Variants in ADAMTS19 observed in about 807,000 individuals in gnomAD.
ADAMTS19 encodes ADAM metallopeptidase with thrombospondin type 1 motif 19, also known as A disintegrin and metalloproteinase with thrombospondin motifs 19.
In ADAMTS19, 93 loss-of-function variants were observed where a neutral mutation model predicts 153.3. The ratio of observed to expected loss-of-function variants is 0.61; its 90% CI spans 0.51 to 0.72. The LOEUF (loss-of-function observed/expected upper bound fraction) is 0.72, where lower values mean the gene tolerates loss of function less well. ADAMTS19 is among the 30% of genes least tolerant of loss of function. ADAMTS19 has a pLI of 0.00. For missense variants in ADAMTS19, 1,482 were observed against 1,552.1 expected (o/e 0.95, Z 0.76); for synonymous variants, 600 against 556.6 (o/e 1.08, Z -1.10).
chr5:129,695,960 C>G (rs1243258819), intron 19 of ADAMTS19, among the ~76,000 whole-genome samples: 2 of 152,112 alleles, frequency 1.3e-5, no homozygotes, highest in Non-Finnish European at 2.9e-5. Flanking sequence ...ACTGATATAA[C>G]CGTCTTCATG....
chr5:129,496,169 T>C (rs891430862), intron 2 of ADAMTS19, among the ~76,000 whole-genome samples: 1 of 151,978 alleles, frequency 6.6e-6, no homozygotes, highest in Non-Finnish European at 1.5e-5. Context: ...AGAATGGGAA[T>C]TGGGGAGAAT....
intron 21 of ADAMTS19, among the ~76,000 whole-genome samples, chr5:129,712,440 T>C (rs2127182834): frequency 6.6e-6 from 1 of 152,316 alleles, no homozygotes; most frequent in Non-Finnish European, 1.5e-5. Flanking sequence ...AGAAAGACTT[T>C]CCATTTTGTT....
chr5:129,555,561 T>C (rs1753284267), intron 7 of ADAMTS19, among the ~76,000 whole-genome samples: 1 of 152,168 alleles, frequency 6.6e-6, no homozygotes, highest in South Asian at 2.1e-4. Context: ...AAAGCTTGGA[T>C]TCCTCACCTT....
chr5:129,462,734 G>A (rs1395010454), intron 2 of ADAMTS19, among the ~76,000 whole-genome samples: 1 of 152,104 alleles, frequency 6.6e-6, no homozygotes, highest in African/African-American at 2.4e-5. Flanking sequence ...CTTTATGGTT[G>A]TTGCCACCAC....
intron 2 of ADAMTS19, among the ~76,000 whole-genome samples, chr5:129,485,251 CAT>C (rs926360682): frequency 6.6e-6 from 1 of 151,966 alleles, no homozygotes; most frequent in Non-Finnish European, 1.5e-5. Flanking sequence ...TACTAAATAA[CAT>C]GAGACAAAGA....
At chr5:129,623,390 A>G (rs1751875707) in intron 10 of ADAMTS19, among the ~76,000 whole-genome samples, 1 of 152,000 alleles carries the variant, frequency 6.6e-6, no homozygotes, top group South Asian at 2.1e-4. Flanking sequence ...ACACATACAC[A>G]TTGTACTTCA....
chr5:129,705,924 A>C lies in ADAMTS19; in HGVS notation c.3312+1533A>C, dbSNP rs185423883. 3.2e-4 allele frequency among the ~76,000 whole-genome samples: 48 copies of C among 152,356 alleles called. No homozygotes were observed. The East Asian group carries it at 9.1e-3, about 29-fold the overall frequency. On this transcript the variant is annotated intron_variant, in intron 21 of 22. Coordinates refer to ENST00000274487, the MANE Select transcript of ADAMTS19 (RefSeq NM_133638.6). ...ATGAGTCAAATAATGAAAATGGAAC[A>C]GTGTTTTCAAGCTATATGTATAACA...
At chr5:129,663,189 C>A (rs1046565267) in intron 15 of ADAMTS19, among the ~76,000 whole-genome samples, 1 of 152,252 alleles carries the variant, frequency 6.6e-6, no homozygotes, top group East Asian at 1.9e-4. Flanking sequence ...CCACCACGCC[C>A]GGCCCCATTC....
At position 129,684,150 on chromosome 5, in the gene ADAMTS19, C is replaced by T. The variant is rs75149074; in HGVS notation, c.2695C>T (p.Leu899Phe). Residue 899 changes from leucine to phenylalanine, a missense_variant, in exon 18 of 23, where the codon CTT becomes TTT. Physicochemically the swap from Leu to Phe is conservative, Grantham distance 22 (BLOSUM62 0). Around this residue, in one of 2 missense-constraint regions of ADAMTS19, gnomAD observed 616 missense variants for 724.4 expected, o/e 0.85. Transcript: ENST00000274487. ...VLLFQDQNYG[L>F]HYEYTIPSDP... Reference sequence around the variant, plus strand: ...CCTGTTTCAGGATCAGAATTATGGTCTTCACTATGAATACACTATCCCATC... The same window carrying T: ...CCTGTTTCAGGATCAGAATTATGGTTTTCACTATGAATACACTATCCCATC... The T allele has an allele frequency of 6.2e-7, 1 of 1,614,020 alleles. No homozygotes were observed. The highest frequency in any genetic ancestry group is 1.3e-5 in the African/African-American group (1 of 75,020).
intron 18 of ADAMTS19, among the ~76,000 whole-genome samples, chr5:129,686,386 A>G (rs1282742833): frequency 6.6e-6 from 1 of 152,142 alleles, no homozygotes; most frequent in Non-Finnish European, 1.5e-5. Flanking sequence ...GAGGGGTTAA[A>G]GAATTCTTAG....
chr5:129,563,142 AT>A (rs1299587778), intron 7 of ADAMTS19, among the ~76,000 whole-genome samples: 3 of 151,992 alleles, frequency 2.0e-5, no homozygotes, highest in African/African-American at 7.2e-5. Flanking sequence ...AGAAGTAATC[AT>A]TTTTGCCAGG....
chr5:129,620,810 T>G, intron 9 of ADAMTS19, 52 bp downstream of exon 9: 2 of 1,568,948 alleles, frequency 1.3e-6, no homozygotes. Flanking sequence ...GTGTGCTGTT[T>G]CTTTTTACAA....
intron 8 of ADAMTS19, among the ~76,000 whole-genome samples, chr5:129,614,668 G>A (rs1213206042): frequency 1.3e-5 from 2 of 152,090 alleles, no homozygotes; most frequent in African/African-American, 4.8e-5. Flanking sequence ...TCAATCTAGT[G>A]TTGGAAGTTC....
intron 16 of ADAMTS19, among the ~76,000 whole-genome samples, chr5:129,672,247 A>G (rs1024622907): frequency 6.6e-5 from 10 of 152,050 alleles, no homozygotes; most frequent in African/African-American, 2.4e-4. Flanking sequence ...TCTAATCCTA[A>G]TTACCTCCCG....
rs1443861738 is a variant in ADAMTS19 at position 129,607,582 on chromosome 5, A to G, written c.1478+10918A>G. Among the ~76,000 whole-genome samples the G allele has an allele frequency of 1.3e-5, 2 of 152,202 alleles. 1 individual carries two copies. Among genetic ancestry groups the G allele is most frequent in the Admixed American group, 1.3e-4 (2 of 15,272 alleles). ...AAGTAATATGATTTTATGAGAAAAT[A>G]TGGTTTTATTGCTACACAAATATAA... On this transcript the variant is annotated intron_variant, in intron 8 of 22. Transcript: ENST00000274487.
At chr5:129,484,357 C>A (rs1203337017) in intron 2 of ADAMTS19, among the ~76,000 whole-genome samples, 1 of 152,070 alleles carries the variant, frequency 6.6e-6, no homozygotes. Flanking sequence ...TTCTCTCCAA[C>A]CAATTTTTTA....
intron 2 of ADAMTS19, 58 bp from the exon 3 acceptor site, chr5:129,509,019 C>G: frequency 1.4e-6 from 2 of 1,389,634 alleles, no homozygotes; most frequent in Non-Finnish European, 1.9e-6. Context: ...ATGGAAGAAT[C>G]TAAAAGTATT....
In ADAMTS19 at chr5:129,692,524, C is replaced by T. The variant is rs74862302; in HGVS notation, c.2819-2196C>T. 4.1e-3 allele frequency among the ~76,000 whole-genome samples: 629 copies of T among 152,306 alleles called. 4 individuals are homozygous for T. Among genetic ancestry groups the T allele is most frequent in the African/African-American group, 0.015 (606 of 41,566 alleles). On this transcript the variant is annotated intron_variant, in intron 18 of 22. Coordinates refer to ENST00000274487, the MANE Select transcript of ADAMTS19 (RefSeq NM_133638.6). ...CCAGAGACGTGAAAGACTGCCTTTCCTCTGCAAGTTAGCATTAGGTCACCT... is the reference window on the plus strand; with the variant it reads ...CCAGAGACGTGAAAGACTGCCTTTCTTCTGCAAGTTAGCATTAGGTCACCT...
rs1330377196 is a variant in ADAMTS19, at chr5:129,657,272, A to T, written c.2305-1345A>T. Among the ~76,000 whole-genome samples the T allele has an allele frequency of 2.6e-5, 4 of 152,188 alleles. No homozygotes were observed. The East Asian group carries it at 7.7e-4, about 29-fold the overall frequency. ...GCACATTCATCCTGCGGCTGCATTT[A>T]ATAATCTGCTAGCTTCCCCCACCCC... On this transcript the variant is annotated intron_variant, in intron 14 of 22. Coordinates refer to ENST00000274487, the MANE Select transcript of ADAMTS19 (RefSeq NM_133638.6).
Sources: allele counts gnomAD v4.1 joint callset (sites outside exome capture counted in the v4.1 genomes callset), GRCh38; gene constraint gnomAD v4.1.1; regional missense constraint gnomAD v4.1.1; transcripts MANE v1.5; gene names NCBI Gene and HGNC (gene_info 2026-07-23, HGNC 2026-07-21).